The following FAT1 variants were observed in gnomAD, a reference collection of about 807,000 sequenced individuals.
FAT1 encodes the protein protocadherin Fat 1.
Under a neutral mutation model 329.8 loss-of-function variants are expected in FAT1, and 171 were observed. The ratio of observed to expected loss-of-function variants is 0.52; its 90% CI spans 0.46 to 0.59. The LOEUF is 0.59. Ranked by LOEUF, FAT1 falls within the 20% of genes least tolerant of loss-of-function variation. FAT1 has a pLI of 0.00. For missense variants in FAT1, 5,672 were observed against 5,774.4 expected (o/e 0.98, Z 0.57); for synonymous variants, 2,233 against 2,228.6 (o/e 1.00, Z -0.06).
intron 2 of FAT1, among the ~76,000 whole-genome samples, chr4:186,680,793 C>G (rs144617103): frequency 1.3e-4 from 20 of 152,324 alleles, no homozygotes; most frequent in African/African-American, 4.8e-4. Flanking sequence ...GAACCCAAAT[C>G]TCTTGAAATC....
chr4:186,588,234 A>G lies in FAT1; in HGVS notation c.*358T>C. 3.9e-6 allele frequency: 1 copy of G among 254,054 alleles called. No individual in the cohort carries two copies. The allele number at this position is 254,054 out of a possible 1,614,324, so 15.7% of individuals were successfully genotyped here. On this transcript the variant is annotated 3_prime_UTR_variant, in exon 27 of 27. Transcript: ENST00000441802. ...GGAAATCTAGTTAAAACTATGAAAA[A>G]TCAAATCTGTACATAAAATTTACAA... is the stretch of plus-strand genomic sequence containing the variant.
Position 186,707,759 on chromosome 4 carries a change from G to A in FAT1, c.2069C>T (p.Ala690Val). The part of the protein sequence containing the change: ...AKMLAEKLLQ[A>V]NKLHNQGEVE... ...CTCTCCCTGGTTGTGTAATTTATTT[G>A]CCTGCAGGAGCTTCTCTGCCAGCAT... Residue 690 changes from alanine (A) to valine (V), a missense_variant, in exon 2 of 27, where the codon GCA becomes GTA. By Grantham distance (64) the Ala-to-Val change is moderately conservative. Transcript: ENST00000441802. 6.2e-7 allele frequency: 1 copy of A among 1,613,536 alleles called. No homozygotes were observed.
At chr4:186,641,394 CT>C (rs1259215781) in intron 3 of FAT1, among the ~76,000 whole-genome samples, 3 of 152,226 alleles carry the variant, frequency 2.0e-5, no homozygotes, top group South Asian at 4.2e-4. Context: ...AAGTTAATCT[CT>C]TTTTTTCCCC....
chr4:186,690,600 G>A (rs1193979394), intron 2 of FAT1, among the ~76,000 whole-genome samples: 1 of 152,080 alleles, frequency 6.6e-6, no homozygotes. Flanking sequence ...GGGAGACTGA[G>A]GTAGGAGAAT....
Position 186,604,466 on chromosome 4 carries a change from T to C in FAT1, c.10459A>G (p.Lys3487Glu). The C allele has an allele frequency of 6.2e-7, 1 of 1,613,922 alleles. No homozygotes were observed. The highest frequency in any genetic ancestry group is 8.5e-7 in the Non-Finnish European group (1 of 1,179,838). Residue 3487 changes from lysine to glutamate, a missense_variant, in exon 18 of 27, where the codon AAG becomes GAG. Lys to Glu is a moderately conservative substitution (Grantham distance 56). This residue lies in a region of FAT1 where 1,706 missense variants were observed against 1,859.1 expected (regional missense o/e 0.92). Coordinates refer to ENST00000441802, the MANE Select transcript of FAT1 (RefSeq NM_005245.4). ...FFTIVTGNDE[K>E]AFEVNPQGVL... is the part of the protein sequence containing the mutation. ...CCTTGCGGGTTAACTTCAAAAGCCTTCTCATCATTTCCAGTTACAATAGTA... is the reference window on the plus strand; with the variant it reads ...CCTTGCGGGTTAACTTCAAAAGCCTCCTCATCATTTCCAGTTACAATAGTA...
In FAT1 at chr4:186,707,823, G is replaced by C. The variant is rs762156918; in HGVS notation, c.2005C>G (p.Leu669Val). 1 of 1,613,694 alleles carries C rather than the reference G, an allele frequency of 6.2e-7. No individual in the cohort carries two copies. The highest frequency in any genetic ancestry group is 1.3e-5 in the African/African-American group (1 of 75,042). The change falls in exon 2 of 27, where the codon CTG becomes GTG. Residue 669 changes from leucine (L) to valine (V), a missense_variant. By Grantham distance (32) the Leu-to-Val change is conservative. Coordinates refer to ENST00000441802, the MANE Select transcript of FAT1 (RefSeq NM_005245.4). ...GTCTCTTCACACTGCAAGTTTACCA[G>C]CTTGTGACTGGCAGCCACTGTTATG... ...INITVAASHK[L>V]VNLQCEETGV...
chr4:186,693,098 A>C (rs574726439), intron 2 of FAT1, among the ~76,000 whole-genome samples: 1 of 152,350 alleles, frequency 6.6e-6, no homozygotes, highest in Admixed American at 6.5e-5. Context: ...AATGTGCTAA[A>C]AATAACTTGA....
intron 9 of FAT1, among the ~76,000 whole-genome samples, chr4:186,627,347 A>G (rs568893390): frequency 1.1e-4 from 17 of 152,310 alleles, no homozygotes; most frequent in African/African-American, 4.1e-4. Flanking sequence ...CACCTGACAC[A>G]TAAAACGAGC....
Position 186,620,042 on chromosome 4 carries a change from A to C in FAT1, c.6544T>G (p.Phe2182Val), listed in dbSNP as rs765048995. 6.2e-7 allele frequency: 1 copy of C among 1,614,000 alleles called. No individual in the cohort carries two copies. The highest frequency in any genetic ancestry group is 2.2e-5 in the East Asian group (1 of 44,874). Residue 2182 changes from phenylalanine to valine, a missense_variant, in exon 10 of 27, where the codon TTT becomes GTT. Around this residue, in one of 2 missense-constraint regions of FAT1, gnomAD observed 3,966 missense variants for 3,915.2 expected, o/e 1.01. Coordinates refer to ENST00000441802, the MANE Select transcript of FAT1 (RefSeq NM_005245.4). ...TCTGCACTGTAGAAAGGTTTTTCAA[A>C]CACAGGCATGGCTTTATTCATGACA... Reference protein sequence around the residue: ...ITVMNKAMPVFEKPFYSAEIA... With the variant: ...ITVMNKAMPVVEKPFYSAEIA...
At position 186,596,421 on chromosome 4, in the gene FAT1, A is replaced by C. The variant is rs1738513084; in HGVS notation, c.13000+119T>G. The C allele has an allele frequency of 8.7e-7, 1 of 1,155,506 alleles. No individual in the cohort carries two copies. The allele number at this position is 1,155,506 out of a possible 1,614,324, so 71.6% of individuals were successfully genotyped here. Reference sequence around the variant, plus strand: ...AAAAAAGTTTCAAATCATCATACGGATTTCAGTCTGAGCATACTTGTCTCT... The same window carrying C: ...AAAAAAGTTTCAAATCATCATACGGCTTTCAGTCTGAGCATACTTGTCTCT... On this transcript the variant is annotated intron_variant, in intron 25 of 26. Coordinates refer to ENST00000441802, the MANE Select transcript of FAT1 (RefSeq NM_005245.4). The surrounding 1 kb of genome is among the most constrained non-coding windows in gnomAD (Gnocchi z 4.7).
intron 3 of FAT1, among the ~76,000 whole-genome samples, chr4:186,643,800 C>A (rs979689393): frequency 2.7e-5 from 4 of 146,266 alleles, no homozygotes; most frequent in African/African-American, 7.6e-5. Context: ...CCCCCCCCAC[C>A]CCCACCCACT....
intron 3 of FAT1, among the ~76,000 whole-genome samples, chr4:186,657,840 G>T (rs1309228538): frequency 6.6e-6 from 1 of 152,132 alleles, no homozygotes; most frequent in Non-Finnish European, 1.5e-5. Context: ...CAAGTTCAAA[G>T]CAATAACTTT....
chr4:186,596,510 A>G lies in FAT1; in HGVS notation c.13000+30T>C. The G allele has an allele frequency of 6.3e-7, 1 of 1,591,304 alleles. No individual in the cohort carries two copies. Among genetic ancestry groups the G allele is most frequent in the South Asian group, 1.2e-5 (1 of 86,366 alleles). ...AACCTCACTGTTTATCTCAAGTGACACTTTAGTGAGATGAAAAAGTGGCTC... is the reference window on the plus strand; with the variant it reads ...AACCTCACTGTTTATCTCAAGTGACGCTTTAGTGAGATGAAAAAGTGGCTC... On this transcript the variant is annotated intron_variant, in intron 25 of 26. Coordinates refer to ENST00000441802, the MANE Select transcript of FAT1 (RefSeq NM_005245.4). This position sits in a 1 kb window ranked among gnomAD's most constrained non-coding sequence, Gnocchi z 4.7.
chr4:186,632,560 T>C (rs1035263481), intron 7 of FAT1, among the ~76,000 whole-genome samples: 4 of 152,168 alleles, frequency 2.6e-5, no homozygotes, highest in African/African-American at 9.6e-5. Flanking sequence ...TTTGACACCA[T>C]ACTAGAACTT....
At chr4:186,717,475 G>C (rs1049426712) in intron 1 of FAT1, among the ~76,000 whole-genome samples, 2 of 152,146 alleles carry the variant, frequency 1.3e-5, no homozygotes, top group Admixed American at 6.5e-5. Flanking sequence ...GCCTTCACAT[G>C]ATCAACCACC....
chr4:186,690,125 G>T (rs1047503262), intron 2 of FAT1, among the ~76,000 whole-genome samples: 1 of 152,126 alleles, frequency 6.6e-6, no homozygotes, highest in African/African-American at 2.4e-5. Context: ...ATTCAAAGCT[G>T]TATTTCTCTA....
chr4:186,665,674 G>A (rs1434435785), intron 2 of FAT1, among the ~76,000 whole-genome samples: 1 of 152,080 alleles, frequency 6.6e-6, no homozygotes, highest in Non-Finnish European at 1.5e-5. Flanking sequence ...TTCTTTTGCT[G>A]TGCAGAAGCT....
chr4:186,657,246 G>A (rs1741946586), intron 3 of FAT1, among the ~76,000 whole-genome samples: 1 of 152,168 alleles, frequency 6.6e-6, no homozygotes, highest in Non-Finnish European at 1.5e-5. Flanking sequence ...CTATTACTAG[G>A]TGAGTGGATA....
chr4:186,596,420 G>C lies in FAT1; in HGVS notation c.13000+120C>G. The C allele has an allele frequency of 8.7e-7, 1 of 1,143,178 alleles. No homozygotes were observed. The highest frequency in any genetic ancestry group is 1.2e-6 in the Non-Finnish European group (1 of 816,102). 70.8% of individuals were successfully genotyped at this position (1,143,178 alleles called of 1,614,324 possible). ...CAAAAAAGTTTCAAATCATCATACG[G>C]ATTTCAGTCTGAGCATACTTGTCTC... On this transcript the variant is annotated intron_variant, in intron 25 of 26. Transcript: ENST00000441802. The surrounding 1 kb of genome is among the most constrained non-coding windows in gnomAD (Gnocchi z 4.7).
Sources: allele counts gnomAD v4.1 joint callset (sites outside exome capture counted in the v4.1 genomes callset), GRCh38; gene constraint gnomAD v4.1.1; regional missense constraint gnomAD v4.1.1; non-coding constraint Gnocchi (gnomAD v3.1); transcripts MANE v1.5; gene names NCBI Gene and HGNC (gene_info 2026-07-23, HGNC 2026-07-21).